SEZ6: variants seen among roughly 807,000 people sequenced by gnomAD.
The protein encoded by SEZ6 is seizure related 6 homolog.
In SEZ6, 53 loss-of-function variants were observed where a neutral mutation model predicts 101.0. That is an observed-to-expected ratio of 0.52 (90% CI 0.42 to 0.66). The LOEUF (loss-of-function observed/expected upper bound fraction) is 0.66, where lower values mean the gene tolerates loss of function less well. Among genes scored for constraint, SEZ6 ranks in the 30% least tolerant of loss-of-function variants. The pLI is 0.00. For missense variants in SEZ6, 1,102 were observed against 1,289.4 expected (o/e 0.85, Z 2.23); for synonymous variants, 488 against 512.2 (o/e 0.95, Z 0.64).
chr17:28,957,336 A>G lies in SEZ6; in HGVS notation c.2494+12T>C, dbSNP rs369557916. The G allele has an allele frequency of 5.5e-4, 888 of 1,611,066 alleles. 8 individuals are homozygous for G. The South Asian group carries it at 8.3e-3, about 15-fold the overall frequency. ...AGCTAGAGGTTTTCCCTCCTACTCA[A>G]TTGACACTTACGGAGACATTTAGGG... On this transcript the variant is annotated intron_variant, in intron 12 of 16. Transcript: ENST00000317338.
chr17:29,001,485 A>C (rs1267222018), intron 1 of SEZ6, among the ~76,000 whole-genome samples: 21 of 152,236 alleles, frequency 1.4e-4, no homozygotes, highest in Non-Finnish European at 5.9e-5. Context: ...GGAACCATGT[A>C]GTAGATGCTC....
At chr17:28,961,059 A>C in intron 5 of SEZ6, 86 bp from the exon 6 acceptor site, 1 of 1,501,836 alleles carries the variant, frequency 6.7e-7, no homozygotes, top group Non-Finnish European at 9.0e-7. Flanking sequence ...CCAGCCCTAT[A>C]TCCTCTGCTT....
At chr17:28,981,106 G>T (rs1443178585) in intron 2 of SEZ6, among the ~76,000 whole-genome samples, 1 of 151,958 alleles carries the variant, frequency 6.6e-6, no homozygotes, top group Non-Finnish European at 1.5e-5. Flanking sequence ...ATGTTGGCCA[G>T]GAGGGTCTTG....
At chr17:28,962,281 G>A (rs2040989621) in intron 5 of SEZ6, among the ~76,000 whole-genome samples, 1 of 152,122 alleles carries the variant, frequency 6.6e-6, no homozygotes. Context: ...CTGTCTCCTT[G>A]GGAAGCCTTG....
intron 1 of SEZ6, among the ~76,000 whole-genome samples, chr17:29,003,763 G>C (rs1239085546): frequency 6.6e-6 from 1 of 152,168 alleles, no homozygotes; most frequent in Non-Finnish European, 1.5e-5. Flanking sequence ...TTGGCACTTC[G>C]GGGCTGCCTC....
At position 29,001,459 on chromosome 17, in the gene SEZ6, G is replaced by A. The variant is rs550369606; in HGVS notation, c.55+4356C>T. Among the ~76,000 whole-genome samples the A allele has an allele frequency of 2.6e-5, 4 of 152,340 alleles. No individual in the cohort carries two copies. In the South Asian group the frequency reaches 8.3e-4, roughly 32 times the overall value. On this transcript the variant is annotated intron_variant, in intron 1 of 16. Transcript: ENST00000317338. ...GTCCTCTGACCCAGGCTGGAGGACA[G>A]GCCTGGCTCCCCTGAGGAACCATGT...
At chr17:28,996,603 G>A (rs767692121) in intron 1 of SEZ6, among the ~76,000 whole-genome samples, 57 of 152,142 alleles carry the variant, frequency 3.7e-4, no homozygotes, top group Non-Finnish European at 5.6e-4. Context: ...CTGGGCTGGG[G>A]CCTGGTGTAC....
intron 3 of SEZ6, among the ~76,000 whole-genome samples, chr17:28,978,483 G>T (rs775251162): frequency 2.0e-5 from 3 of 152,218 alleles, no homozygotes; most frequent in Non-Finnish European, 2.9e-5. Context: ...GGATCTGAGG[G>T]AATTCCCAGA....
chr17:28,996,051 A>C (rs1010449820), intron 1 of SEZ6, among the ~76,000 whole-genome samples: 6 of 150,144 alleles, frequency 4.0e-5, no homozygotes, highest in African/African-American at 1.2e-4. Context: ...CTCAGGCTGG[A>C]GTGCAGTGGC....
At chr17:28,994,113 G>GC (rs1365260254) in intron 1 of SEZ6, among the ~76,000 whole-genome samples, 3 of 152,184 alleles carry the variant, frequency 2.0e-5, no homozygotes, top group African/African-American at 7.2e-5. Flanking sequence ...AAAGTCCCTA[G>GC]CATGTCTGTT....
In SEZ6 at chr17:29,005,534, T is replaced by A. The variant is rs373481233; in HGVS notation, c.55+281A>T. On this transcript the variant is annotated intron_variant, in intron 1 of 16. Coordinates refer to ENST00000317338, the MANE Select transcript of SEZ6 (RefSeq NM_178860.5). This position sits in a 1 kb window ranked among gnomAD's most constrained non-coding sequence, Gnocchi z 4.8. ...CGGGTGAGCGCGTGTGTGCGGGGAG[T>A]GGGTGGCGTGATGAATTGCATCAGA... is the stretch of plus-strand genomic sequence containing the variant. 3.4e-4 allele frequency among the ~76,000 whole-genome samples: 52 copies of A among 151,744 alleles called. No individual in the cohort carries two copies. The East Asian group carries it at 8.2e-3, about 24-fold the overall frequency.
chr17:29,006,000 T>C lies in SEZ6; in HGVS notation c.-131A>G, dbSNP rs561856903. ...GCGGGGCCGCAGCCGTCACCGCCGC[T>C]GCCGCCGCCAGCGCCTGACAGAATC... On this transcript the variant is annotated 5_prime_UTR_variant, in exon 1 of 17. Coordinates refer to ENST00000317338, the MANE Select transcript of SEZ6 (RefSeq NM_178860.5). This position sits in a 1 kb window ranked among gnomAD's most constrained non-coding sequence, Gnocchi z 4.8. The C allele has an allele frequency of 2.8e-6, 2 of 720,858 alleles. No individual in the cohort carries two copies. The highest frequency in any genetic ancestry group is 4.0e-5 in the East Asian group (1 of 24,772). The allele number at this position is 720,858 out of a possible 1,614,324, so 44.7% of individuals were successfully genotyped here.
intron 3 of SEZ6, among the ~76,000 whole-genome samples, chr17:28,971,748 T>C (rs1484279753): frequency 6.6e-6 from 1 of 152,244 alleles, no homozygotes; most frequent in Non-Finnish European, 1.5e-5. Flanking sequence ...GTTGACCACC[T>C]GGGATGGTTA....
Position 29,005,078 on chromosome 17 carries a change from GGTGT to G in SEZ6, c.55+733_55+736del, listed in dbSNP as rs58063439. Among the ~76,000 whole-genome samples, 2,540 of 137,178 alleles carry G rather than the reference GGTGT, an allele frequency of 0.019. 25 individuals are homozygous for G. Among genetic ancestry groups the G allele is most frequent in the African/African-American group, 0.021 (776 of 36,128 alleles). 90.0% of individuals were successfully genotyped at this position (137,178 alleles called of 152,430 possible). The stretch of plus-strand genomic sequence containing the variant: ...GGAGGGAGGCAGAGCTCGGGGCAGT[GGTGT>G]GTGTGTGTGTGTGTGTGTGTGTGTG... On this transcript the variant is annotated intron_variant, in intron 1 of 16. Coordinates refer to ENST00000317338, the MANE Select transcript of SEZ6 (RefSeq NM_178860.5). This position sits in a 1 kb window ranked among gnomAD's most constrained non-coding sequence, Gnocchi z 4.8.
At chr17:28,985,007 G>T (rs2041358791) in intron 1 of SEZ6, among the ~76,000 whole-genome samples, 1 of 152,246 alleles carries the variant, frequency 6.6e-6, no homozygotes. Context: ...GCCTCTGGGA[G>T]ATGGGAATTT....
chr17:28,968,122 C>T (rs2041098281), intron 4 of SEZ6, among the ~76,000 whole-genome samples: 1 of 152,198 alleles, frequency 6.6e-6, no homozygotes, highest in African/African-American at 2.4e-5. Flanking sequence ...GGTGTGGGTA[C>T]TAGGCCCCTC....
intron 1 of SEZ6, among the ~76,000 whole-genome samples, chr17:29,003,814 C>A (rs1313505308): frequency 4.6e-5 from 7 of 152,218 alleles, no homozygotes; most frequent in Admixed American, 4.6e-4. Context: ...TCTTTCCCAA[C>A]AGCCAGACTC....
intron 3 of SEZ6, among the ~76,000 whole-genome samples, chr17:28,972,557 G>A (rs1422908612): frequency 1.3e-5 from 2 of 152,214 alleles, no homozygotes; most frequent in Admixed American, 6.5e-5. Flanking sequence ...GCTGGAGGCC[G>A]AGGCGTCTCC....
chr17:28,996,943 G>C (rs1430453163), intron 1 of SEZ6, among the ~76,000 whole-genome samples: 3 of 152,194 alleles, frequency 2.0e-5, no homozygotes, highest in African/African-American at 7.2e-5. Context: ...GTGCAGCTTA[G>C]GGTAGGGAAG....
Sources: gnomAD v4.1 joint callset for allele counts (sites outside exome capture counted in the v4.1 genomes callset) on GRCh38, gnomAD v4.1.1 for gene constraint, Gnocchi (gnomAD v3.1) non-coding constraint, MANE v1.5 for transcripts, NCBI Gene and HGNC (gene_info 2026-07-23, HGNC 2026-07-21) for gene names.